BRMS1L: variants seen among roughly 807,000 people sequenced by gnomAD.
BRMS1L encodes the protein breast cancer metastasis-suppressor 1-like protein.
Under a neutral mutation model 50.3 loss-of-function variants are expected in BRMS1L, and 23 were observed. The observed-to-expected ratio is 0.46, with a 90% CI of 0.33 to 0.65. The LOEUF is 0.65. Among genes scored for constraint, BRMS1L ranks in the 30% least tolerant of loss-of-function variants. The pLI, the probability that BRMS1L is intolerant of heterozygous loss-of-function variation, is 0.02. For synonymous variants in BRMS1L, 114 were observed against 126.9 expected (o/e 0.90, Z 0.69); for missense variants, 286 against 386.1 (o/e 0.74, Z 2.17).
chr14:35,838,930 C>T (rs1595663383), intron 4 of BRMS1L, among the ~76,000 whole-genome samples: 1 of 152,284 alleles, frequency 6.6e-6, no homozygotes, highest in East Asian at 1.9e-4. Flanking sequence ...GTGTTTTCAT[C>T]ATGAAGTCTT....
At chr14:35,869,179 T>A (rs77156096) in intron 9 of BRMS1L, among the ~76,000 whole-genome samples, 4,626 of 152,298 alleles carry the variant, frequency 0.03, 190 homozygotes, top group African/African-American at 0.088. Context: ...TACTAGTTTA[T>A]ATATGATACT....
At chr14:35,837,800 C>G (rs1038980641) in intron 4 of BRMS1L, among the ~76,000 whole-genome samples, 1 of 152,118 alleles carries the variant, frequency 6.6e-6, no homozygotes, top group Non-Finnish European at 1.5e-5. Flanking sequence ...GGTGATCCGC[C>G]TGCCTTGACC....
chr14:35,841,510 G>T (rs1438731718), intron 4 of BRMS1L, among the ~76,000 whole-genome samples: 2 of 152,090 alleles, frequency 1.3e-5, no homozygotes, highest in Non-Finnish European at 2.9e-5. Context: ...TGTTAGCCAG[G>T]ATGGTCTCGA....
chr14:35,867,927 A>G lies in BRMS1L; in HGVS notation c.749A>G (p.His250Arg), dbSNP rs756646100. 3 of 1,607,444 alleles carry G rather than the reference A, an allele frequency of 1.9e-6. No homozygotes were observed. Among genetic ancestry groups the G allele is most frequent in the South Asian group, 2.2e-5 (2 of 89,820 alleles). Reference sequence around the variant, plus strand: ...TTAGCACCTGTGAAACTGGAAAAACATCTGCACAGTGCTAGATCTGAAGAG... The same window carrying G: ...TTAGCACCTGTGAAACTGGAAAAACGTCTGCACAGTGCTAGATCTGAAGAG... ...KTEPPVKLEK[H>R]LHSARSEEGR... is the part of the protein sequence containing the mutation. Residue 250 changes from histidine to arginine, a missense_variant, in exon 9 of 10, where the codon CAT (histidine) becomes CGT (arginine). Around this residue, in one of 5 missense-constraint regions of BRMS1L, gnomAD observed 160 missense variants for 240.6 expected, o/e 0.66. Transcript: ENST00000216807.
intron 1 of BRMS1L, among the ~76,000 whole-genome samples, chr14:35,827,289 G>GT (rs1030071651): frequency 6.6e-6 from 1 of 152,126 alleles, no homozygotes; most frequent in African/African-American, 2.4e-5. Flanking sequence ...CTTCCCTTCA[G>GT]TTTTTTCTAA....
chr14:35,866,348 ATACT>A (rs907920069), intron 8 of BRMS1L, among the ~76,000 whole-genome samples: 1 of 152,216 alleles, frequency 6.6e-6, no homozygotes, highest in Non-Finnish European at 1.5e-5. Context: ...CATATTTGAA[ATACT>A]TAGGAAAGGA....
At position 35,863,872 on chromosome 14, in the gene BRMS1L, C is replaced by T. The variant is rs777970704; in HGVS notation, c.541C>T (p.Leu181=). ...DRHSIDITSE[L]WNDELQSRKK... Reference sequence around the variant, plus strand: ...CTTAATCTTTATTTACCTGCCAGAGCTGTGGAATGATGAGCTTCAGTCAAG... The same window carrying T: ...CTTAATCTTTATTTACCTGCCAGAGTTGTGGAATGATGAGCTTCAGTCAAG... Residue 181 remains leucine, a splice_region_variant and synonymous_variant, in exon 6 of 10, where the codon CTG becomes TTG. Coordinates refer to ENST00000216807, the MANE Select transcript of BRMS1L (RefSeq NM_032352.4). The T allele has an allele frequency of 2.4e-5, 38 of 1,613,494 alleles. No individual in the cohort carries two copies. In the East Asian group the frequency reaches 8.5e-4, roughly 36 times the overall value.
intron 4 of BRMS1L, among the ~76,000 whole-genome samples, chr14:35,836,430 C>A (rs1470751302): frequency 6.6e-6 from 1 of 152,112 alleles, no homozygotes; most frequent in African/African-American, 2.4e-5. Context: ...GCCTCTACTC[C>A]CCTGGCCTCA....
intron 2 of BRMS1L, among the ~76,000 whole-genome samples, chr14:35,832,144 T>G (rs2142037246): frequency 6.6e-6 from 1 of 152,252 alleles, no homozygotes; most frequent in East Asian, 1.9e-4. Context: ...ACAAACTTAG[T>G]ATGTCAGGTC....
At chr14:35,858,178 T>TC (rs1392938515) in intron 4 of BRMS1L, among the ~76,000 whole-genome samples, 1 of 152,190 alleles carries the variant, frequency 6.6e-6, no homozygotes, top group Non-Finnish European at 1.5e-5. Flanking sequence ...CATATTTGCT[T>TC]CTTTCAGACA....
chr14:35,857,541 G>A (rs1030651515), intron 4 of BRMS1L, among the ~76,000 whole-genome samples: 1 of 151,638 alleles, frequency 6.6e-6, no homozygotes, highest in Admixed American at 6.6e-5. Context: ...AGCTGGTTTT[G>A]AACCCCTGGC....
chr14:35,869,889 T>C (rs181108666), intron 9 of BRMS1L, among the ~76,000 whole-genome samples: 67 of 151,834 alleles, frequency 4.4e-4, no homozygotes, highest in African/African-American at 1.6e-3. Flanking sequence ...AAGAATAAAA[T>C]ACAAATCTAT....
At chr14:35,826,926 G>C (rs1348092068) in intron 1 of BRMS1L, among the ~76,000 whole-genome samples, 1 of 152,158 alleles carries the variant, frequency 6.6e-6, no homozygotes, top group Non-Finnish European at 1.5e-5. Flanking sequence ...GCTCTGGAGC[G>C]ACCAGCCCAG....
intron 4 of BRMS1L, among the ~76,000 whole-genome samples, chr14:35,848,399 C>A (rs2078165197): frequency 6.6e-6 from 1 of 152,010 alleles, no homozygotes; most frequent in African/African-American, 2.4e-5. Context: ...GTGAGTCTTT[C>A]TGTGTTGCTC....
intron 4 of BRMS1L, among the ~76,000 whole-genome samples, chr14:35,848,548 CT>C (rs1184132343): frequency 6.6e-6 from 1 of 152,094 alleles, no homozygotes; most frequent in African/African-American, 2.4e-5. Flanking sequence ...CACAGTAGAT[CT>C]CCAGAGCTTA....
At chr14:35,841,519 G>T (rs887446592) in intron 4 of BRMS1L, among the ~76,000 whole-genome samples, 1 of 152,036 alleles carries the variant, frequency 6.6e-6, no homozygotes, top group Non-Finnish European at 1.5e-5. Flanking sequence ...GGATGGTCTC[G>T]ATCTCCTGAC....
In BRMS1L at chr14:35,846,422, A is replaced by C. The variant is rs767258448; in HGVS notation, c.441+11499A>C. ...AAAAAAAAAAAAAGAAAAAAAAATC[A>C]GACCACATGTTGTCATTGTCACTGC... On this transcript the variant is annotated intron_variant, in intron 4 of 9. Coordinates refer to ENST00000216807, the MANE Select transcript of BRMS1L (RefSeq NM_032352.4). 2.0e-4 allele frequency among the ~76,000 whole-genome samples: 30 copies of C among 151,782 alleles called. 1 individual carries two copies. The highest frequency in any genetic ancestry group is 3.4e-3 in the Middle Eastern group (1 of 290).
At chr14:35,840,644 A>G (rs1048956805) in intron 4 of BRMS1L, among the ~76,000 whole-genome samples, 5 of 152,106 alleles carry the variant, frequency 3.3e-5, no homozygotes, top group East Asian at 1.9e-4. Flanking sequence ...TAGATTTTCT[A>G]GTTTATTTGC....
chr14:35,834,978 G>A, intron 4 of BRMS1L, 55 bp downstream of exon 4: 1 of 1,348,746 alleles, frequency 7.4e-7, no homozygotes, highest in African/African-American at 1.5e-5. Flanking sequence ...AGCCTTTTCT[G>A]AGTGTAGTAG....
Sources: allele counts gnomAD v4.1 joint callset (sites outside exome capture counted in the v4.1 genomes callset), GRCh38; gene constraint gnomAD v4.1.1; regional missense constraint gnomAD v4.1.1; transcripts MANE v1.5; gene names NCBI Gene and HGNC (gene_info 2026-07-23, HGNC 2026-07-21).